The following AXDND1 variants were observed in gnomAD, a reference collection of about 807,000 sequenced individuals.
AXDND1 encodes the protein axonemal dynein light chain domain-containing protein 1.
AXDND1 carries 110 observed loss-of-function variants against 137.5 expected under a neutral mutation model. The ratio of observed to expected loss-of-function variants is 0.80; its 90% CI spans 0.69 to 0.94. AXDND1 has a LOEUF of 0.94. Among genes scored for constraint, AXDND1 ranks in the 40% least tolerant of loss-of-function variants. The pLI, the probability that AXDND1 is intolerant of heterozygous loss-of-function variation, is 0.00. For synonymous variants in AXDND1, 414 were observed against 399.7 expected (o/e 1.04, Z -0.43); for missense variants, 1,191 against 1,169.8 (o/e 1.02, Z -0.26).
At chr1:179,459,773 TTTTTCTTTA>T in intron 16 of AXDND1, among the ~76,000 whole-genome samples, 1 of 150,640 alleles carries the variant, frequency 6.6e-6, no homozygotes, top group East Asian at 1.9e-4. Flanking sequence ...TTCTCTTTTC[TTTTTCTTTA>T]TTTTCTTTCT....
At chr1:179,457,510 C>T (rs1307951214) in intron 16 of AXDND1, among the ~76,000 whole-genome samples, 1 of 152,216 alleles carries the variant, frequency 6.6e-6, no homozygotes, top group Non-Finnish European at 1.5e-5. Flanking sequence ...TTAGCTTCCC[C>T]CATACTTTGT....
chr1:179,540,771 C>T (rs1258065349), intron 25 of AXDND1, among the ~76,000 whole-genome samples: 9 of 152,228 alleles, frequency 5.9e-5, no homozygotes, highest in Admixed American at 5.9e-4. Flanking sequence ...TTTAAGTCTG[C>T]TGAAGCTGTG....
chr1:179,429,428 C>A (rs4652382), intron 12 of AXDND1, 90 bp from the exon 13 acceptor site: 4 of 602,912 alleles, frequency 6.6e-6, no homozygotes, highest in South Asian at 4.1e-5. Flanking sequence ...TTAATGATTC[C>A]ATGAAAAATC....
In AXDND1 at chr1:179,427,056, C is replaced by T. The variant is rs988403184; in HGVS notation, c.1231-2462C>T. 1.4e-4 allele frequency among the ~76,000 whole-genome samples: 22 copies of T among 151,926 alleles called. 1 individual carries two copies. In the South Asian group the frequency reaches 2.1e-3, roughly 14 times the overall value. ...GCCCATGCCTGTAATCCCAGCTACT[C>T]GGGAGGCTGAGGCAGGAGAAACACT... On this transcript the variant is annotated intron_variant, in intron 12 of 25. Transcript: ENST00000367618.
intron 11 of AXDND1, among the ~76,000 whole-genome samples, chr1:179,406,673 C>G (rs1159595654): frequency 6.6e-6 from 1 of 152,012 alleles, no homozygotes; most frequent in Non-Finnish European, 1.5e-5. Flanking sequence ...AGTATAAGTA[C>G]TCCTGCTTGC....
At chr1:179,393,174 C>A (rs2125133733) in intron 9 of AXDND1, among the ~76,000 whole-genome samples, 1 of 152,214 alleles carries the variant, frequency 6.6e-6, no homozygotes, top group Non-Finnish European at 1.5e-5. Flanking sequence ...CAGTTTCATT[C>A]TTCTACATAT....
At position 179,491,687 on chromosome 1, in the gene AXDND1, T is replaced by C; in HGVS notation, c.2241T>C (p.Asp747=). The C allele has an allele frequency of 1.2e-6, 2 of 1,606,466 alleles. No homozygotes were observed. Among genetic ancestry groups the C allele is most frequent in the Admixed American group, 1.7e-5 (1 of 58,386 alleles). ...TAGGAGTTGCGCGATTGGAGCTAGA[T>C]GCGATTGAACTGACAAGGAAGTTGT... ...HDIGVARLEL[D]AIELTRKLYQ... is the part of the protein sequence containing the mutation. Residue 747 remains aspartate (D), a synonymous_variant, in exon 19 of 26, where the codon GAT becomes GAC. Transcript: ENST00000367618.
intron 16 of AXDND1, chr1:179,457,227 T>G: frequency 4.1e-6 from 3 of 723,602 alleles, no homozygotes; most frequent in Non-Finnish European, 7.5e-6. Flanking sequence ...CATTCCTCAT[T>G]GCTCAAAATG....
intron 12 of AXDND1, 31 bp from the exon 13 acceptor site, chr1:179,429,486 AG>A (rs1657067737): frequency 8.6e-7 from 1 of 1,163,320 alleles, no homozygotes; most frequent in South Asian, 1.7e-5. Flanking sequence ...CTAATGTTTT[AG>A]GTTCCTGATT....
chr1:179,372,777 G>A (rs1363778702), intron 4 of AXDND1, among the ~76,000 whole-genome samples: 3 of 152,062 alleles, frequency 2.0e-5, no homozygotes, highest in African/African-American at 7.2e-5. Context: ...TCTGCCTCCC[G>A]GGTTCAAGTG....
At chr1:179,448,067 C>A in intron 16 of AXDND1, 1 of 1,124,304 alleles carries the variant, frequency 8.9e-7, no homozygotes, top group Non-Finnish European at 1.4e-6. Context: ...AAACCAGGTG[C>A]AATGTTATGA....
At chr1:179,410,773 A>G (rs1461932805) in intron 11 of AXDND1, among the ~76,000 whole-genome samples, 1 of 152,076 alleles carries the variant, frequency 6.6e-6, no homozygotes, top group Non-Finnish European at 1.5e-5. Context: ...TGACAATAAA[A>G]CTGTTAGGTT....
At chr1:179,528,674 C>A (rs1199450081) in intron 23 of AXDND1, among the ~76,000 whole-genome samples, 1 of 95,352 alleles carries the variant, frequency 1.0e-5, no homozygotes, top group Non-Finnish European at 2.1e-5. Context: ...CAGAGTTTTG[C>A]TCTGCCTCCC....
At chr1:179,528,272 C>A in intron 22 of AXDND1, 55 bp from the exon 23 acceptor site, 1 of 1,315,714 alleles carries the variant, frequency 7.6e-7, no homozygotes, top group Non-Finnish European at 1.1e-6. Flanking sequence ...TGCCAGGAAA[C>A]TTGCTGGGGT....
Position 179,535,041 on chromosome 1 carries a change from A to G in AXDND1, c.3031+79A>G, listed in dbSNP as rs1671400039. ...TTGACTGGGCCACAAATATTGTAGA[A>G]GAACATTAATATATTTGGTGCTAAT... On this transcript the variant is annotated intron_variant, in intron 25 of 25. Coordinates refer to ENST00000367618, the MANE Select transcript of AXDND1 (RefSeq NM_144696.6). The G allele has an allele frequency of 1.9e-6, 3 of 1,583,702 alleles. No individual in the cohort carries two copies. The East Asian group carries it at 6.7e-5, about 36-fold the overall frequency.
chr1:179,491,548 T>C lies in AXDND1; in HGVS notation c.2102T>C (p.Leu701Ser). ...CTCATTTTTTAACAGATGGATGAGT[T>C]ACATATATCTATGATCCAGTGGATG... ...NIELQHHMDE[L>S]HISMIQWMVN... The change falls in exon 19 of 26, where the codon TTA becomes TCA. Residue 701 changes from leucine (L) to serine (S), a missense_variant. Transcript: ENST00000367618. 6.2e-7 allele frequency: 1 copy of C among 1,601,552 alleles called. No homozygotes were observed. The highest frequency in any genetic ancestry group is 2.2e-5 in the East Asian group (1 of 44,782).
At chr1:179,382,631 G>T in intron 6 of AXDND1, 69 bp from the exon 7 acceptor site, 1 of 1,096,040 alleles carries the variant, frequency 9.1e-7, no homozygotes, top group African/African-American at 1.6e-5. Flanking sequence ...CTGGGGGTTA[G>T]TTGTGCTAAT....
chr1:179,482,629 A>G (rs1665556500), intron 17 of AXDND1, among the ~76,000 whole-genome samples: 1 of 152,038 alleles, frequency 6.6e-6, no homozygotes, highest in Non-Finnish European at 1.5e-5. Flanking sequence ...CTGAATCTTC[A>G]TAGATTTTCT....
At chr1:179,486,936 A>G (rs912158611) in intron 18 of AXDND1, among the ~76,000 whole-genome samples, 4 of 148,688 alleles carry the variant, frequency 2.7e-5, no homozygotes, top group African/African-American at 1.0e-4. Flanking sequence ...CCAGCTAACA[A>G]CATGATGACA....
Sources: allele counts gnomAD v4.1 joint callset (sites outside exome capture counted in the v4.1 genomes callset), GRCh38; gene constraint gnomAD v4.1.1; transcripts MANE v1.5; gene names NCBI Gene and HGNC (gene_info 2026-07-23, HGNC 2026-07-21).